NRL: variants seen among roughly 807,000 people sequenced by gnomAD.
The protein encoded by NRL is neural retina-specific leucine zipper protein.
Under a neutral mutation model 12.5 loss-of-function variants are expected in NRL, and 16 were observed. The ratio of observed to expected loss-of-function variants is 1.28; its 90% CI spans 0.87 to 1.95. The LOEUF is 1.95. NRL is among the 30% of genes most tolerant of loss of function. NRL has a pLI of 0.00. For missense variants in NRL, 314 were observed against 325.8 expected (o/e 0.96, Z 0.28); for synonymous variants, 142 against 150.9 (o/e 0.94, Z 0.43).
chr14:24,100,314 G>A (rs1313843141), intron 1 of NRL: 1 of 1,530,462 alleles, frequency 6.5e-7, no homozygotes, highest in Non-Finnish European at 8.8e-7. Context: ...AGGACTGCCA[G>A]GAGGCACAGA....
In NRL at chr14:24,081,494, G is replaced by T; in HGVS notation, c.456C>A (p.Cys152Ter). ...TCAGCCGCAGCGCCTCGTCGCGCCCGCAGCCCCGCAGCTGCCGGTTTAGCT... is the reference window on the plus strand; with the variant it reads ...TCAGCCGCAGCGCCTCGTCGCGCCCTCAGCCCCGCAGCTGCCGGTTTAGCT... ...VRELNRQLRGCGRDEALRLKQ... is the reference protein window; with the variant it reads ...VRELNRQLRG The change falls in exon 3 of 3, where the codon TGC (cysteine) becomes TGA (stop). Residue 152 changes from cysteine to a stop codon, truncating the protein, a stop_gained. Transcript: ENST00000561028. LOFTEE classifies it high-confidence loss of function. The surrounding 1 kb of genome is among the most constrained non-coding windows in gnomAD (Gnocchi z 4.4). The T allele has an allele frequency of 6.3e-7, 1 of 1,597,500 alleles. No homozygotes were observed. Among genetic ancestry groups the T allele is most frequent in the Non-Finnish European group, 8.5e-7 (1 of 1,174,326 alleles).
intron 1 of NRL, among the ~76,000 whole-genome samples, chr14:24,089,621 A>G (rs1201916635): frequency 6.6e-6 from 1 of 152,212 alleles, no homozygotes; most frequent in African/African-American, 2.4e-5. Context: ...TATGTTAGAG[A>G]TGTGTCTACA....
At position 24,111,172 on chromosome 14, in the gene NRL, G is replaced by T. The variant is rs547887302; in HGVS notation, c.-28+3550C>A. On this transcript the variant is annotated intron_variant, in intron 1 of 2. Transcript: ENST00000561028. Reference sequence around the variant, plus strand: ...TTTTTTTTTTCTTTTTGTAGACTGGGTCTCACTATGTTGCCCAGGCTGGCC... The same window carrying T: ...TTTTTTTTTTCTTTTTGTAGACTGGTTCTCACTATGTTGCCCAGGCTGGCC... 2.9e-3 allele frequency among the ~76,000 whole-genome samples: 435 copies of T among 152,156 alleles called. 4 individuals are homozygous for T. The highest frequency in any genetic ancestry group is 0.01 in the African/African-American group (417 of 41,496).
At chr14:24,111,518 C>T (rs1374983325) in intron 1 of NRL, among the ~76,000 whole-genome samples, 3 of 150,782 alleles carry the variant, frequency 2.0e-5, no homozygotes, top group Non-Finnish European at 4.4e-5. Context: ...GGATTACAAG[C>T]GCATGCCACC....
In NRL at chr14:24,085,321, C is replaced by T. The variant is rs2036438102; in HGVS notation, c.-27-2446G>A. ...CTCAAGGGACATTGAAATCTAATCACCACCAGTCCGTCGGAGACACTTTTG... is the reference window on the plus strand; with the variant it reads ...CTCAAGGGACATTGAAATCTAATCATCACCAGTCCGTCGGAGACACTTTTG... On this transcript the variant is annotated intron_variant, in intron 1 of 2. Coordinates refer to ENST00000561028, the MANE Select transcript of NRL (RefSeq NM_001354768.3). The surrounding 1 kb of genome is among the most constrained non-coding windows in gnomAD (Gnocchi z 4.1). Among the ~76,000 whole-genome samples, 1 of 152,206 alleles carries T rather than the reference C, an allele frequency of 6.6e-6. No individual in the cohort carries two copies. The highest frequency in any genetic ancestry group is 1.5e-5 in the Non-Finnish European group (1 of 68,028).
intron 1 of NRL, among the ~76,000 whole-genome samples, chr14:24,113,864 C>A (rs749928786): frequency 2.0e-5 from 3 of 152,258 alleles, no homozygotes; most frequent in African/African-American, 7.2e-5. Flanking sequence ...AAGCTCGCAG[C>A]TTTCCCAAGG....
chr14:24,093,760 C>T (rs2138914397), intron 1 of NRL, among the ~76,000 whole-genome samples: 1 of 152,254 alleles, frequency 6.6e-6, no homozygotes. Context: ...AGAGAGACTC[C>T]ACCATTTCAT....
Position 24,094,753 on chromosome 14 carries a change from C to T in NRL, c.-27-11878G>A. The T allele has an allele frequency of 1.4e-6, 2 of 1,457,976 alleles. No individual in the cohort carries two copies. Among genetic ancestry groups the T allele is most frequent in the Non-Finnish European group, 1.8e-6 (2 of 1,097,188 alleles). 90.3% of individuals were successfully genotyped at this position (1,457,976 alleles called of 1,614,324 possible). On this transcript the variant is annotated intron_variant, in intron 1 of 2. Coordinates refer to ENST00000561028, the MANE Select transcript of NRL (RefSeq NM_001354768.3). The surrounding 1 kb of genome is among the most constrained non-coding windows in gnomAD (Gnocchi z 4.1). ...CTGAGCCAGGTCTCCGCATATCCTC[C>T]TTTCCTTCCCAGATACCTCCCTCGG...
chr14:24,083,202 G>T (rs761597097), intron 1 of NRL, among the ~76,000 whole-genome samples: 4 of 152,182 alleles, frequency 2.6e-5, no homozygotes, highest in African/African-American at 4.8e-5. Context: ...CATGCCGAGA[G>T]GTCTGTCATC....
chr14:24,104,627 C>A (rs55785827), intron 1 of NRL, among the ~76,000 whole-genome samples: 2 of 142,728 alleles, frequency 1.4e-5, no homozygotes, highest in South Asian at 4.5e-4. Flanking sequence ...GGCAACAGAG[C>A]GAAACTCCGT....
At chr14:24,096,821 T>G (rs1247001107) in intron 1 of NRL, 5 of 1,405,810 alleles carry the variant, frequency 3.6e-6, no homozygotes, top group Non-Finnish European at 3.0e-6. Flanking sequence ...CCAAGCTTTC[T>G]GTCTCTCCAC....
intron 1 of NRL, chr14:24,100,596 G>T: frequency 1.9e-6 from 2 of 1,077,230 alleles, no homozygotes; most frequent in Non-Finnish European, 2.3e-6. Flanking sequence ...GAAAGGAAAA[G>T]GAAGGACTTT....
At chr14:24,099,388 T>A in intron 1 of NRL, 1 of 1,005,718 alleles carries the variant, frequency 9.9e-7, no homozygotes, top group Non-Finnish European at 1.4e-6. Context: ...CTCAGGCTGC[T>A]GAATGTTGAG....
Position 24,078,762 on chromosome 14 carries a change from C to G in NRL, c.*2474G>C, listed in dbSNP as rs2036194077. 6.6e-6 allele frequency among the ~76,000 whole-genome samples: 1 copy of G among 152,178 alleles called. No homozygotes were observed. The highest frequency in any genetic ancestry group is 1.5e-5 in the Non-Finnish European group (1 of 68,014). Reference sequence around the variant, plus strand: ...TTATTTTCACCATTTTTCTGACAATCAAGTGAGGCTTGATTTTAACCCACC... The same window carrying G: ...TTATTTTCACCATTTTTCTGACAATGAAGTGAGGCTTGATTTTAACCCACC... On this transcript the variant is annotated 3_prime_UTR_variant, in exon 3 of 3. Transcript: ENST00000561028.
rs1447632245 is a variant in NRL, at chr14:24,094,806, C to G, written c.-27-11931G>C. On this transcript the variant is annotated intron_variant, in intron 1 of 2. Coordinates refer to ENST00000561028, the MANE Select transcript of NRL (RefSeq NM_001354768.3). The surrounding 1 kb of genome is among the most constrained non-coding windows in gnomAD (Gnocchi z 4.1). ...CTCTAACGGGCTCTCAGCCAGCGCCCCAGGGTACTTCGAGAGGCAGCAGGG... is the reference window on the plus strand; with the variant it reads ...CTCTAACGGGCTCTCAGCCAGCGCCGCAGGGTACTTCGAGAGGCAGCAGGG... The G allele has an allele frequency of 1.6e-5, 21 of 1,349,294 alleles. No individual in the cohort carries two copies. The highest frequency in any genetic ancestry group is 8.9e-5 in the Admixed American group (4 of 45,158). The allele number at this position is 1,349,294 out of a possible 1,614,324, so 83.6% of individuals were successfully genotyped here. A position where few individuals can be genotyped will look rare whatever the true frequency, so the allele number is the denominator to read the frequency against.
chr14:24,101,672 CA>C (rs2037166822), intron 1 of NRL, among the ~76,000 whole-genome samples: 1 of 152,234 alleles, frequency 6.6e-6, no homozygotes, highest in African/African-American at 2.4e-5. Context: ...TCTGTAATCC[CA>C]GCACTTTGGG....
In NRL at chr14:24,094,473, G is replaced by C; in HGVS notation, c.-27-11598C>G. Reference sequence around the variant, plus strand: ...GGCCCGGGGCCCACCCGCACCTTCCGCTGCGCTCGCCCCCTCGGGGCTGCC... The same window carrying C: ...GGCCCGGGGCCCACCCGCACCTTCCCCTGCGCTCGCCCCCTCGGGGCTGCC... On this transcript the variant is annotated intron_variant, in intron 1 of 2. Coordinates refer to ENST00000561028, the MANE Select transcript of NRL (RefSeq NM_001354768.3). This position sits in a 1 kb window ranked among gnomAD's most constrained non-coding sequence, Gnocchi z 4.1. 2 of 1,499,728 alleles carry C rather than the reference G, an allele frequency of 1.3e-6. No individual in the cohort carries two copies. The highest frequency in any genetic ancestry group is 1.8e-6 in the Non-Finnish European group (2 of 1,131,682). 92.9% of individuals were successfully genotyped at this position (1,499,728 alleles called of 1,614,324 possible).
At chr14:24,103,806 G>GCT in intron 1 of NRL, 1 of 1,614,190 alleles carries the variant, frequency 6.2e-7, no homozygotes, top group African/African-American at 1.3e-5. Flanking sequence ...CGGCCTCAGA[G>GCT]CTATAGACAC....
intron 1 of NRL, chr14:24,096,950 C>G: frequency 1.2e-6 from 2 of 1,613,650 alleles, no homozygotes; most frequent in East Asian, 2.2e-5. Flanking sequence ...CATCCAGACC[C>G]TGCGAGTGCT....
Sources: allele counts gnomAD v4.1 joint callset (sites outside exome capture counted in the v4.1 genomes callset), GRCh38; gene constraint gnomAD v4.1.1; non-coding constraint Gnocchi (gnomAD v3.1); transcripts MANE v1.5; gene names NCBI Gene and HGNC (gene_info 2026-07-23, HGNC 2026-07-21).